LIMS4: variants seen among roughly 807,000 people sequenced by gnomAD.
LIMS4 encodes LIM zinc finger domain containing 4.
chr2:110,387,854 T>C, the LIMS4 span: 3 of 152,430 alleles, frequency 2.0e-5, no homozygotes, highest in East Asian at 5.8e-4. Flanking sequence ...TTTTTTTTTA[T>C]TTAAATGACT....
At chr2:110,382,110 T>A in the LIMS4 span, among the ~76,000 whole-genome samples, 671 of 27,540 alleles carry the variant, frequency 0.024, 4 homozygotes, top group Non-Finnish European at 0.03. Context: ...TATATATATA[T>A]ATATATATAT....
the LIMS4 span, among the ~76,000 whole-genome samples, chr2:110,424,883 C>A: frequency 4.1e-4 from 58 of 142,792 alleles, 9 homozygotes; most frequent in African/African-American, 1.6e-3. Flanking sequence ...CTAAAAGTAG[C>A]CAATTGCGGG....
At chr2:110,361,856 G>A in the LIMS4 span, 9 of 968,302 alleles carry the variant, frequency 9.3e-6, no homozygotes, top group Non-Finnish European at 1.3e-5. Context: ...TGTGCTTGGG[G>A]CAGACTTAAA....
the LIMS4 span, among the ~76,000 whole-genome samples, chr2:110,391,246 G>C: frequency 6.8e-6 from 1 of 147,778 alleles, no homozygotes; most frequent in African/African-American, 2.6e-5. Context: ...GTAACCGCCC[G>C]TAACAATGGG....
the LIMS4 span, among the ~76,000 whole-genome samples, chr2:110,395,890 G>C: frequency 7.4e-6 from 1 of 135,646 alleles, no homozygotes; most frequent in East Asian, 2.2e-4. Context: ...CCTGACATCG[G>C]AGCTGCCATG....
chr2:110,391,734 AGGCT>A, the LIMS4 span, among the ~76,000 whole-genome samples: 1 of 111,098 alleles, frequency 9.0e-6, no homozygotes, highest in East Asian at 2.5e-4. Flanking sequence ...GCCATTAGTG[AGGCT>A]GCCTACTACA....
chr2:110,372,562 G>A, the LIMS4 span, among the ~76,000 whole-genome samples: 1 of 147,806 alleles, frequency 6.8e-6, no homozygotes, highest in Non-Finnish European at 1.5e-5. Context: ...CTGGAGTGCA[G>A]TAGTGCGATC....
the LIMS4 span, among the ~76,000 whole-genome samples, chr2:110,401,489 TC>T: frequency 3.5e-5 from 5 of 142,932 alleles, no homozygotes; most frequent in Non-Finnish European, 6.0e-5. Context: ...GCTCTTGTCT[TC>T]CAGTCACTTC....
the LIMS4 span, among the ~76,000 whole-genome samples, chr2:110,425,633 CA>C: frequency 7.0e-6 from 1 of 142,508 alleles, no homozygotes; most frequent in African/African-American, 3.0e-5. Context: ...AAGAGCAAGA[CA>C]GGGGAGAGGA....
the LIMS4 span, chr2:110,433,527 G>A: frequency 6.7e-6 from 1 of 148,244 alleles, no homozygotes; most frequent in Non-Finnish European, 1.5e-5. Flanking sequence ...ACGTTCCTAT[G>A]ATAGTTCTTG....
At chr2:110,381,959 C>T in the LIMS4 span, among the ~76,000 whole-genome samples, 1 of 46,040 alleles carries the variant, frequency 2.2e-5, no homozygotes, top group Admixed American at 2.9e-4. Context: ...CCCAGCTACT[C>T]AGGAGGCTGA....
chr2:110,395,884 A>G, the LIMS4 span, among the ~76,000 whole-genome samples: 1 of 134,544 alleles, frequency 7.4e-6, no homozygotes, highest in Non-Finnish European at 1.5e-5. Flanking sequence ...AGGCCACCTG[A>G]CATCGGAGCT....
At chr2:110,361,935 C>A in the LIMS4 span, 13 of 1,431,328 alleles carry the variant, frequency 9.1e-6, no homozygotes, top group Non-Finnish European at 1.2e-5. Context: ...GACTTCAGAG[C>A]AGCCACATCA....
intron 5 of LIMS4, among the ~76,000 whole-genome samples, chr2:110,453,929 CAAAA>C (rs1356973916): frequency 8.1e-6 from 1 of 123,942 alleles, no homozygotes; most frequent in Non-Finnish European, 1.6e-5. Context: ...TTATTGAAGA[CAAAA>C]AATTAAATAT....
At chr2:110,418,651 T>C in the LIMS4 span, among the ~76,000 whole-genome samples, 1 of 54,748 alleles carries the variant, frequency 1.8e-5, no homozygotes, top group African/African-American at 8.3e-5. Flanking sequence ...CTTTCCTTTC[T>C]TTTTTTTTTT....
the LIMS4 span, among the ~76,000 whole-genome samples, chr2:110,367,695 G>T: frequency 1.4e-5 from 2 of 146,650 alleles, no homozygotes; most frequent in Non-Finnish European, 3.0e-5. Context: ...TGGGCAACAT[G>T]GTGAAACCCC....
At chr2:110,425,060 G>A in the LIMS4 span, among the ~76,000 whole-genome samples, 1 of 142,710 alleles carries the variant, frequency 7.0e-6, no homozygotes, top group Non-Finnish European at 1.5e-5. Flanking sequence ...CCTTGCTACT[G>A]CAGGGTCCCT....
the LIMS4 span, among the ~76,000 whole-genome samples, chr2:110,422,449 G>A: frequency 9.4e-6 from 1 of 106,412 alleles, no homozygotes; most frequent in Non-Finnish European, 1.7e-5. Context: ...TGACCTGCAG[G>A]CCAGAGAGGG....
At chr2:110,372,752 T>C in the LIMS4 span, among the ~76,000 whole-genome samples, 15 of 148,830 alleles carry the variant, frequency 1.0e-4, no homozygotes, top group Admixed American at 2.0e-4. Flanking sequence ...GTGAGCCACC[T>C]GCTTCTGCCT....
Sources: allele counts gnomAD v4.1 joint callset (sites outside exome capture counted in the v4.1 genomes callset), GRCh38; gene constraint gnomAD v4.1.1; transcripts MANE v1.5; gene names NCBI Gene and HGNC (gene_info 2026-07-23, HGNC 2026-07-21).